Variants in GGACT observed in about 807,000 individuals in gnomAD.
GGACT encodes the protein gamma-glutamylaminecyclotransferase.
For synonymous variants in GGACT, 118 were observed against 115.3 expected, an observed-to-expected ratio of 1.02 and a Z score of -0.15; for missense variants, 241 against 233.2, an observed-to-expected ratio of 1.03 and a Z score of -0.22.
chr13:100,561,221 A>G (rs1434377579), intron 2 of GGACT, among the ~76,000 whole-genome samples: 1 of 152,180 alleles, frequency 6.6e-6, no homozygotes, highest in East Asian at 1.9e-4. Context: ...ACGTTGTGTT[A>G]TATTTCATTT....
chr13:100,540,662 C>G (rs1207886040), intron 2 of GGACT, among the ~76,000 whole-genome samples: 1 of 152,148 alleles, frequency 6.6e-6, no homozygotes, highest in Non-Finnish European at 1.5e-5. Flanking sequence ...CTTCTGCTAG[C>G]TTTGGGTTTT....
chr13:100,538,716 C>T (rs2088521887), intron 2 of GGACT: 1 of 152,192 alleles, frequency 6.6e-6, no homozygotes, highest in Non-Finnish European at 1.5e-5. Context: ...ATCACATTGT[C>T]TATTTAAGGT....
Position 100,530,348 on chromosome 13 carries a change from TATAA to T in GGACT, c.*1778_*1781del, listed in dbSNP as rs1188479428. The T allele has an allele frequency of 3.0e-6, 2 of 659,114 alleles. No homozygotes were observed. The highest frequency in any genetic ancestry group is 5.5e-6 in the Non-Finnish European group (2 of 362,442). 40.8% of individuals were successfully genotyped at this position (659,114 alleles called of 1,614,324 possible). ...AATCACCAATGGAAATTTTCATTGA[TATAA>T]ATACTTGTACATATGATTTGTACTT... On this transcript the variant is annotated 3_prime_UTR_variant, in exon 3 of 3. Transcript: ENST00000683975.
At chr13:100,586,182 C>T (rs547491800) in intron 1 of GGACT, among the ~76,000 whole-genome samples, 2 of 151,990 alleles carry the variant, frequency 1.3e-5, no homozygotes, top group Non-Finnish European at 2.9e-5. Flanking sequence ...CAAGCAAATG[C>T]CCTTTCTCTG....
intron 2 of GGACT, among the ~76,000 whole-genome samples, chr13:100,577,287 G>C (rs1301109552): frequency 6.6e-6 from 1 of 151,910 alleles, no homozygotes; most frequent in Non-Finnish European, 1.5e-5. Flanking sequence ...GTGGTGGTGG[G>C]TGCCTGTAAT....
Position 100,532,391 on chromosome 13 carries a change from G to T in GGACT, c.201C>A (p.Val67=), listed in dbSNP as rs960942488. The T allele has an allele frequency of 6.5e-7, 1 of 1,550,270 alleles. No homozygotes were observed. The highest frequency in any genetic ancestry group is 8.7e-7 in the Non-Finnish European group (1 of 1,146,668). The part of the protein sequence containing the change: ...PGSGRLVEGE[V]YAVDERMLRF... ...GCAGCATCCGCTCGTCTACCGCGTA[G>T]ACCTCGCCCTCCACGAGGCGCCCCG... The change falls in exon 3 of 3, where the codon GTC becomes GTA. Residue 67 remains valine, a synonymous_variant. Transcript: ENST00000683975.
chr13:100,585,124 G>A (rs1005039931), intron 1 of GGACT, among the ~76,000 whole-genome samples: 5 of 152,158 alleles, frequency 3.3e-5, no homozygotes, highest in Admixed American at 2.6e-4. Context: ...CACACTCCAC[G>A]AAAAGCAGCC....
Position 100,532,072 on chromosome 13 carries a change from C to T in GGACT, c.*58G>A, listed in dbSNP as rs186389088. The T allele has an allele frequency of 3.8e-4, 497 of 1,293,436 alleles. 4 individuals are homozygous for T. In the Middle Eastern group the frequency reaches 4.0e-3, roughly 10 times the overall value. The allele number at this position is 1,293,436 out of a possible 1,614,324, so 80.1% of individuals were successfully genotyped here. A position where few individuals can be genotyped will look rare whatever the true frequency, so the allele number is the denominator to read the frequency against. On this transcript the variant is annotated 3_prime_UTR_variant, in exon 3 of 3. Coordinates refer to ENST00000683975, the MANE Select transcript of GGACT (RefSeq NM_001195087.2). Reference sequence around the variant, plus strand: ...GGCTTCCGCCTTCACCCAGCATGGGCTGGGCGCATCTTGGAGCCCCAGGGC... The same window carrying T: ...GGCTTCCGCCTTCACCCAGCATGGGTTGGGCGCATCTTGGAGCCCCAGGGC...
intron 2 of GGACT, among the ~76,000 whole-genome samples, chr13:100,572,530 G>C (rs959750281): frequency 2.0e-5 from 3 of 152,142 alleles, no homozygotes; most frequent in Admixed American, 6.5e-5. Context: ...TGGTTAAGAT[G>C]GTAAAATTTA....
At chr13:100,581,778 A>C (rs1237057502) in intron 2 of GGACT, among the ~76,000 whole-genome samples, 1 of 152,150 alleles carries the variant, frequency 6.6e-6, no homozygotes, top group African/African-American at 2.4e-5. Flanking sequence ...TCAACAGCAA[A>C]AGAGAGAAGT....
chr13:100,578,712 A>G (rs1016809417), intron 2 of GGACT, among the ~76,000 whole-genome samples: 2 of 152,236 alleles, frequency 1.3e-5, no homozygotes, highest in Middle Eastern at 3.2e-3. Flanking sequence ...GGCTTTTATA[A>G]TCTGGATCTA....
intron 2 of GGACT, among the ~76,000 whole-genome samples, chr13:100,582,064 T>C (rs913031882): frequency 6.6e-6 from 1 of 152,230 alleles, no homozygotes; most frequent in African/African-American, 2.4e-5. Flanking sequence ...TCTTGAACAA[T>C]GGTTTTCCCT....
At chr13:100,561,324 A>G (rs1377849487) in intron 2 of GGACT, among the ~76,000 whole-genome samples, 1 of 152,206 alleles carries the variant, frequency 6.6e-6, no homozygotes, top group African/African-American at 2.4e-5. Flanking sequence ...GGTGAACTGT[A>G]TGGTATGTGA....
At chr13:100,557,468 T>G (rs530971917) in intron 2 of GGACT, among the ~76,000 whole-genome samples, 1 of 152,198 alleles carries the variant, frequency 6.6e-6, no homozygotes, top group African/African-American at 2.4e-5. Context: ...AGTAGACCCC[T>G]ACTTGTAGGG....
At chr13:100,554,397 C>T (rs968158388) in intron 2 of GGACT, among the ~76,000 whole-genome samples, 1 of 152,132 alleles carries the variant, frequency 6.6e-6, no homozygotes, top group Admixed American at 6.5e-5. Flanking sequence ...CAGTTTATTG[C>T]ATTAGAAAAA....
rs945943198 is a variant in GGACT, at chr13:100,545,913, G to A, written c.-10-13312C>T. Among the ~76,000 whole-genome samples the A allele has an allele frequency of 2.6e-5, 4 of 152,180 alleles. No homozygotes were observed. The highest frequency in any genetic ancestry group is 6.5e-5 in the Admixed American group (1 of 15,290). ...ACATGCGTCAGCCAACCACATACTC[G>A]GAAAATGACACAGAAAGCCAGGGCA... On this transcript the variant is annotated intron_variant, in intron 2 of 2. Coordinates refer to ENST00000683975, the MANE Select transcript of GGACT (RefSeq NM_001195087.2). The surrounding 1 kb of genome is among the most constrained non-coding windows in gnomAD (Gnocchi z 4.4).
chr13:100,584,229 G>T (rs1875500075), intron 1 of GGACT, among the ~76,000 whole-genome samples: 1 of 152,160 alleles, frequency 6.6e-6, no homozygotes, highest in Non-Finnish European at 1.5e-5. Flanking sequence ...CCTAGAGAAA[G>T]GGTTCAAAGT....
chr13:100,570,888 T>C (rs1264973986), intron 2 of GGACT, among the ~76,000 whole-genome samples: 4 of 152,162 alleles, frequency 2.6e-5, no homozygotes, highest in Non-Finnish European at 5.9e-5. Context: ...GCTCAGATGA[T>C]GTATCGCTAC....
chr13:100,557,005 T>C (rs1050494980), intron 2 of GGACT, among the ~76,000 whole-genome samples: 2 of 152,122 alleles, frequency 1.3e-5, no homozygotes, highest in South Asian at 4.1e-4. Flanking sequence ...TTCTCATGCC[T>C]CAGCCTCCCA....
Sources: allele counts gnomAD v4.1 joint callset (sites outside exome capture counted in the v4.1 genomes callset), GRCh38; gene constraint gnomAD v4.1.1; non-coding constraint Gnocchi (gnomAD v3.1); transcripts MANE v1.5; gene names NCBI Gene and HGNC (gene_info 2026-07-23, HGNC 2026-07-21).